ZNF595: variants seen among roughly 807,000 people sequenced by gnomAD.
ZNF595 encodes zinc finger protein 595.
A neutral mutation model predicts 19.4 loss-of-function variants in ZNF595; 9 were observed. The observed-to-expected ratio is 0.46, with a 90% CI of 0.28 to 0.81. The LOEUF (loss-of-function observed/expected upper bound fraction) is 0.81. ZNF595 is among the 30% of genes least tolerant of loss of function. ZNF595 has a pLI of 0.11. For missense variants in ZNF595, 729 were observed against 736.0 expected, an observed-to-expected ratio of 0.99 and a Z score of 0.11; for synonymous variants, 255 against 255.9, an observed-to-expected ratio of 1.00 and a Z score of 0.03.
At chr4:78,935 C>T (rs1713786902) in intron 3 of ZNF595, among the ~76,000 whole-genome samples, 1 of 152,178 alleles carries the variant, frequency 6.6e-6, no homozygotes, top group East Asian at 1.9e-4. Flanking sequence ...TCAGGTAATC[C>T]ACTCGCCTCG....
At chr4:70,042 C>A (rs1713362787) in intron 3 of ZNF595, among the ~76,000 whole-genome samples, 1 of 152,136 alleles carries the variant, frequency 6.6e-6, no homozygotes, top group East Asian at 1.9e-4. Context: ...ACAGTTGTGA[C>A]CCTGACCAGC....
rs1488236989 is a variant in ZNF595, at chr4:86,663, A to G, written c.1159A>G (p.Lys387Glu). Reference sequence around the variant, plus strand: ...TTGGTCCTCATCCCTTAATAAACATAAGAGAATTCATACTGGAGAGAAACC... The same window carrying G: ...TTGGTCCTCATCCCTTAATAAACATGAGAGAATTCATACTGGAGAGAAACC... ...FTWSSSLNKH[K>E]RIHTGEKPYT... The change falls in exon 4 of 4, where the codon AAG becomes GAG. Residue 387 changes from lysine (K) to glutamate (E), a missense_variant. Physicochemically the swap from Lys to Glu is moderately conservative, Grantham distance 56. Coordinates refer to ENST00000610261, the MANE Select transcript of ZNF595 (RefSeq NM_182524.4). The G allele has an allele frequency of 1.9e-6, 3 of 1,613,636 alleles. No homozygotes were observed. Among genetic ancestry groups the G allele is most frequent in the East Asian group, 2.2e-5 (1 of 44,856 alleles).
At chr4:77,080 T>C (rs1225807310) in intron 3 of ZNF595, among the ~76,000 whole-genome samples, 1 of 152,166 alleles carries the variant, frequency 6.6e-6, no homozygotes, top group Non-Finnish European at 1.5e-5. Context: ...AATATGTACA[T>C]TTTTACAGTT....
At chr4:74,809 G>A (rs1433361514) in intron 3 of ZNF595, among the ~76,000 whole-genome samples, 1 of 152,178 alleles carries the variant, frequency 6.6e-6, no homozygotes, top group Non-Finnish European at 1.5e-5. Context: ...TGTGTCAGTG[G>A]CGGAGAGGTG....
chr4:86,835 G>T lies in ZNF595; in HGVS notation c.1331G>T (p.Arg444Ile), dbSNP rs1553801800. The T allele has an allele frequency of 1.9e-6, 3 of 1,613,556 alleles. No individual in the cohort carries two copies. Among genetic ancestry groups the T allele is most frequent in the East Asian group, 4.5e-5 (2 of 44,786 alleles). Residue 444 changes from arginine (R) to isoleucine (I), a missense_variant, in exon 4 of 4, where the codon AGA (arginine) becomes ATA (isoleucine). Coordinates refer to ENST00000610261, the MANE Select transcript of ZNF595 (RefSeq NM_182524.4). ...TCCTCAACTCTTATATTACACAAGA[G>T]AATCCATTCTGGGCAAAAACCTTAC... ...NQSSTLILHK[R>I]IHSGQKPYKC... is the part of the protein sequence containing the mutation.
chr4:74,155 A>G (rs1390660415), intron 3 of ZNF595, among the ~76,000 whole-genome samples: 1 of 152,064 alleles, frequency 6.6e-6, no homozygotes, highest in Non-Finnish European at 1.5e-5. Context: ...CAAAAATAAA[A>G]AAAAATTAGC....
chr4:81,811 A>G (rs1553799978), intron 3 of ZNF595, among the ~76,000 whole-genome samples: 1 of 152,122 alleles, frequency 6.6e-6, no homozygotes, highest in Non-Finnish European at 1.5e-5. Context: ...GACTTACTTC[A>G]TGTTGCACAA....
Position 79,921 on chromosome 4 carries a change from T to C in ZNF595, c.227-5810T>C, listed in dbSNP as rs189312357. On this transcript the variant is annotated intron_variant, in intron 3 of 3. Transcript: ENST00000610261. ...AGTTTCTTGCCAATGTTTTATAATT[T>C]TCAGTTTAGAATGTTCACCTTTTTA... 9.2e-5 allele frequency among the ~76,000 whole-genome samples: 14 copies of C among 152,332 alleles called. No homozygotes were observed. The East Asian group carries it at 2.5e-3, about 27-fold the overall frequency.
chr4:71,233 A>C (rs1260502937), intron 3 of ZNF595, among the ~76,000 whole-genome samples: 3 of 152,226 alleles, frequency 2.0e-5, no homozygotes, highest in Non-Finnish European at 4.4e-5. Context: ...CTAGTTAATT[A>C]GGTTTTTTTC....
chr4:86,320 T>A lies in ZNF595; in HGVS notation c.816T>A (p.Asn272Lys). The change falls in exon 4 of 4, where the codon AAT becomes AAA. Residue 272 changes from asparagine (N) to lysine (K), a missense_variant. This residue lies in a region of ZNF595 where 729 missense variants were observed against 675.3 expected (regional missense o/e 1.08). Coordinates refer to ENST00000610261, the MANE Select transcript of ZNF595 (RefSeq NM_182524.4). ...GKAFTRSTTL[N>K]EHKKIHTGEK... Reference sequence around the variant, plus strand: ...CCTTTACAAGGTCCACAACACTGAATGAACACAAGAAAATTCATACTGGAG... The same window carrying A: ...CCTTTACAAGGTCCACAACACTGAAAGAACACAAGAAAATTCATACTGGAG... 6.2e-7 allele frequency: 1 copy of A among 1,613,410 alleles called. No individual in the cohort carries two copies. The highest frequency in any genetic ancestry group is 8.5e-7 in the Non-Finnish European group (1 of 1,179,814).
In ZNF595 at chr4:78,551, C is replaced by T. The variant is rs192347223; in HGVS notation, c.227-7180C>T. ...GTGGTCACCAGTGTTTTCTTGTGTA[C>T]GTGAGTAATCAAAGAAACTGTAAAA... On this transcript the variant is annotated intron_variant, in intron 3 of 3. Coordinates refer to ENST00000610261, the MANE Select transcript of ZNF595 (RefSeq NM_182524.4). Among the ~76,000 whole-genome samples, 16 of 152,118 alleles carry T rather than the reference C, an allele frequency of 1.1e-4. 1 individual carries two copies. The highest frequency in any genetic ancestry group is 3.4e-3 in the Middle Eastern group (1 of 294).
At chr4:74,989 G>A (rs1172240752) in intron 3 of ZNF595, among the ~76,000 whole-genome samples, 2 of 151,898 alleles carry the variant, frequency 1.3e-5, no homozygotes, top group Non-Finnish European at 2.9e-5. Context: ...TGACAAATTA[G>A]CCTTTTATTA....
chr4:78,654 T>G (rs1553799226), intron 3 of ZNF595, among the ~76,000 whole-genome samples: 1 of 152,176 alleles, frequency 6.6e-6, no homozygotes, highest in African/African-American at 2.4e-5. Context: ...AATGAAACCT[T>G]TTTAGGTAGA....
intron 3 of ZNF595, among the ~76,000 whole-genome samples, chr4:63,802 T>TG (rs1712954035): frequency 1.3e-5 from 2 of 150,816 alleles, no homozygotes; most frequent in East Asian, 3.9e-4. Flanking sequence ...CCAGAGGTAA[T>TG]CTTATCAGCC....
intron 3 of ZNF595, among the ~76,000 whole-genome samples, chr4:80,150 G>A (rs1713843927): frequency 6.6e-6 from 1 of 152,162 alleles, no homozygotes; most frequent in Non-Finnish European, 1.5e-5. Context: ...AGCCTCCCAA[G>A]TAGCTGGGAT....
chr4:84,166 A>G (rs1553800636), intron 3 of ZNF595, among the ~76,000 whole-genome samples: 4 of 152,104 alleles, frequency 2.6e-5, no homozygotes, highest in African/African-American at 9.7e-5. Flanking sequence ...TTATTTATTA[A>G]CAGATTATGA....
chr4:75,719 G>T (rs1325437569), intron 3 of ZNF595, among the ~76,000 whole-genome samples: 1 of 151,186 alleles, frequency 6.6e-6, no homozygotes, highest in African/African-American at 2.4e-5. Flanking sequence ...GTCTTCCCTT[G>T]TGTTTTCTTG....
intron 3 of ZNF595, among the ~76,000 whole-genome samples, chr4:78,630 G>C (rs1713772684): frequency 6.6e-6 from 1 of 152,154 alleles, no homozygotes; most frequent in South Asian, 2.1e-4. Flanking sequence ...GTTATTTGAA[G>C]GTGATTTTTG....
chr4:76,334 C>G (rs1444742024), intron 3 of ZNF595, among the ~76,000 whole-genome samples: 1 of 152,142 alleles, frequency 6.6e-6, no homozygotes, highest in Non-Finnish European at 1.5e-5. Flanking sequence ...GTAGAAAAAT[C>G]AAGCAGTTGT....
Sources: allele counts gnomAD v4.1 joint callset (sites outside exome capture counted in the v4.1 genomes callset), GRCh38; gene constraint gnomAD v4.1.1; regional missense constraint gnomAD v4.1.1; transcripts MANE v1.5; gene names NCBI Gene and HGNC (gene_info 2026-07-23, HGNC 2026-07-21).